GRM8: variants seen among roughly 807,000 people sequenced by gnomAD.
GRM8 encodes the protein glutamate metabotropic receptor 8.
GRM8 carries 47 observed loss-of-function variants against 87.2 expected under a neutral mutation model. The ratio of observed to expected loss-of-function variants is 0.54; its 90% confidence interval spans 0.43 to 0.69. The LOEUF is 0.69. GRM8 is among the 30% of genes least tolerant of loss of function. GRM8 has a pLI of 0.00. For missense variants in GRM8, 1,019 were observed against 1,139.2 expected, an observed-to-expected ratio of 0.89 and a Z score of 1.52; for synonymous variants, 396 against 404.5, an observed-to-expected ratio of 0.98 and a Z score of 0.25.
intron 3 of GRM8, among the ~76,000 whole-genome samples, chr7:127,030,146 G>A (rs1817216697): frequency 6.6e-6 from 1 of 152,002 alleles, no homozygotes; most frequent in South Asian, 2.1e-4. Context: ...CTCAAGTTGA[G>A]TGCTTCAAAC....
At chr7:126,877,853 T>C (rs1014492401) in intron 6 of GRM8, among the ~76,000 whole-genome samples, 5 of 152,228 alleles carry the variant, frequency 3.3e-5, no homozygotes, top group Non-Finnish European at 7.3e-5. Flanking sequence ...AGTTGATTGA[T>C]AGTTGCCAAC....
chr7:126,642,577 T>TC (rs1802521553), intron 7 of GRM8, among the ~76,000 whole-genome samples: 2 of 152,010 alleles, frequency 1.3e-5, no homozygotes, highest in Admixed American at 1.3e-4. Flanking sequence ...GAGGCAGATC[T>TC]TGCAGTGAGC....
chr7:126,695,866 T>C (rs987706677), intron 7 of GRM8, among the ~76,000 whole-genome samples: 2 of 152,144 alleles, frequency 1.3e-5, no homozygotes, highest in Non-Finnish European at 2.9e-5. Flanking sequence ...TAGAGGACAA[T>C]TCTTGGCCAT....
chr7:127,221,311 C>T (rs892901074), intron 2 of GRM8, among the ~76,000 whole-genome samples: 3 of 152,154 alleles, frequency 2.0e-5, no homozygotes, highest in African/African-American at 2.4e-5. Flanking sequence ...ATGGTACCAC[C>T]GATGAAGCCT....
At chr7:127,085,285 G>A (rs1823352791) in intron 3 of GRM8, among the ~76,000 whole-genome samples, 1 of 152,186 alleles carries the variant, frequency 6.6e-6, no homozygotes, top group Non-Finnish European at 1.5e-5. Flanking sequence ...GTGTGCATGT[G>A]TCTTCATAGT....
chr7:126,454,918 G>A (rs918862542), intron 9 of GRM8, among the ~76,000 whole-genome samples: 3 of 151,718 alleles, frequency 2.0e-5, no homozygotes, highest in African/African-American at 7.3e-5. Context: ...CACCCTGTGT[G>A]TGATACAGCC....
chr7:126,749,751 C>G lies in GRM8; in HGVS notation c.1357+20114G>C, dbSNP rs1393109272. Among the ~76,000 whole-genome samples the G allele has an allele frequency of 4.0e-5, 6 of 151,796 alleles. No individual in the cohort carries two copies. In the East Asian group the frequency reaches 1.2e-3, roughly 29 times the overall value. On this transcript the variant is annotated intron_variant, in intron 7 of 10. Coordinates refer to ENST00000339582, the MANE Select transcript of GRM8 (RefSeq NM_000845.3). ...AAAGATACACAAGATAACTAGTGAC[C>G]AGAGAAAGGCAAATTAGAGCCACAG...
chr7:126,761,042 A>T (rs1379693341), intron 7 of GRM8, among the ~76,000 whole-genome samples: 1 of 151,464 alleles, frequency 6.6e-6, no homozygotes. Flanking sequence ...ACTAAAATAC[A>T]AAAAAAATTA....
chr7:127,007,839 A>T (rs149552986), intron 3 of GRM8, among the ~76,000 whole-genome samples: 2 of 152,178 alleles, frequency 1.3e-5, no homozygotes, highest in East Asian at 3.9e-4. Flanking sequence ...ATTGTAACAG[A>T]GCTCCTGTTA....
chr7:126,488,930 T>G (rs1807681291), intron 9 of GRM8, among the ~76,000 whole-genome samples: 1 of 151,852 alleles, frequency 6.6e-6, no homozygotes, highest in Non-Finnish European at 1.5e-5. Context: ...TTATAAATTA[T>G]GTTATCATGT....
intron 6 of GRM8, among the ~76,000 whole-genome samples, chr7:126,781,819 CATCA>C (rs1449801424): frequency 3.9e-5 from 6 of 152,042 alleles, no homozygotes; most frequent in Non-Finnish European, 8.8e-5. Context: ...GGGCTCAGGA[CATCA>C]TCCTATTTCA....
At chr7:126,766,959 A>T (rs1818264278) in intron 7 of GRM8, among the ~76,000 whole-genome samples, 1 of 152,158 alleles carries the variant, frequency 6.6e-6, no homozygotes, top group African/African-American at 2.4e-5. Context: ...AAGAGCAATG[A>T]TATGTGTGTA....
chr7:127,117,033 T>A (rs1587067469), intron 2 of GRM8, among the ~76,000 whole-genome samples: 1 of 152,094 alleles, frequency 6.6e-6, no homozygotes, highest in South Asian at 2.1e-4. Context: ...AACAGATGAA[T>A]GAAAACTGAA....
chr7:126,626,331 AT>A (rs1425187103), intron 7 of GRM8, among the ~76,000 whole-genome samples: 2 of 152,104 alleles, frequency 1.3e-5, no homozygotes, highest in African/African-American at 4.8e-5. Context: ...ATTAGTTTAC[AT>A]TTTTTACTAA....
chr7:127,241,982 T>C (rs1180027714), intron 2 of GRM8, among the ~76,000 whole-genome samples: 2 of 152,234 alleles, frequency 1.3e-5, no homozygotes, highest in Non-Finnish European at 1.5e-5. Flanking sequence ...TATTATTCCA[T>C]ATTTCCAATT....
At chr7:127,038,160 G>A (rs1463596968) in intron 3 of GRM8, among the ~76,000 whole-genome samples, 1 of 152,146 alleles carries the variant, frequency 6.6e-6, no homozygotes, top group Admixed American at 6.6e-5. Flanking sequence ...AGGAGACGTT[G>A]ACAGGAATCA....
At chr7:126,563,244 C>T (rs1793893579) in intron 8 of GRM8, among the ~76,000 whole-genome samples, 1 of 151,720 alleles carries the variant, frequency 6.6e-6, no homozygotes, top group African/African-American at 2.4e-5. Context: ...AAACATTCTT[C>T]TTAAGTTCTC....
At position 126,850,710 on chromosome 7, in the gene GRM8, T is replaced by C. The variant is rs150668074; in HGVS notation, c.1156+51832A>G. On this transcript the variant is annotated intron_variant, in intron 6 of 10. Transcript: ENST00000339582. ...CTGTAACTAGCAAAGAAGCAACAGT[T>C]AATAATCGAAATAGGAAGATAGTTG... 7.2e-5 allele frequency among the ~76,000 whole-genome samples: 11 copies of C among 152,320 alleles called. No individual in the cohort carries two copies. In the East Asian group the frequency reaches 1.9e-3, roughly 27 times the overall value.
At chr7:126,674,675 C>T (rs1024595367) in intron 7 of GRM8, among the ~76,000 whole-genome samples, 3 of 151,322 alleles carry the variant, frequency 2.0e-5, no homozygotes, top group African/African-American at 7.3e-5. Context: ...ATCATGTAGC[C>T]CCCAGAAAAA....
Sources: gnomAD v4.1 joint callset for allele counts (sites outside exome capture counted in the v4.1 genomes callset) on GRCh38, gnomAD v4.1.1 for gene constraint, MANE v1.5 for transcripts, NCBI Gene and HGNC (gene_info 2026-07-23, HGNC 2026-07-21) for gene names.